Variants in ANK2 observed in about 807,000 individuals in gnomAD.
ANK2 encodes the protein ankyrin 2.
Under a neutral mutation model 360.5 loss-of-function variants are expected in ANK2, and 83 were observed. The observed-to-expected ratio is 0.23, with a 90% confidence interval of 0.19 to 0.28. ANK2 has a LOEUF of 0.28. ANK2 is among the 10% of genes least tolerant of loss of function. The pLI is 1.00. For missense variants in ANK2, 4,201 were observed against 4,795.7 expected (o/e 0.88, Z 3.66); for synonymous variants, 1,740 against 1,759.5 (o/e 0.99, Z 0.28).
chr4:112,766,337 G>T, the ANK2 span, among the ~76,000 whole-genome samples: 2 of 151,476 alleles, frequency 1.3e-5, no homozygotes, highest in Non-Finnish European at 2.9e-5. Context: ...AAAAAAATTT[G>T]TTGCATAAAT....
chr4:113,381,330 A>G (rs1199105347), intron 45 of ANK2, 127 bp from the exon 46 acceptor site: 1 of 979,612 alleles, frequency 1.0e-6, no homozygotes, highest in Non-Finnish European at 1.6e-6. Context: ...TTGTTATGCT[A>G]ATAGTTTGCT....
rs191144279 is a variant in ANK2 at position 113,151,788 on chromosome 4, G to A, written c.85-22628G>A. The stretch of plus-strand genomic sequence containing the variant: ...TAAAGAAATTTGGTGAAGGTAGGCT[G>A]GGCACCATGGCTCACACCTGTAATC... On this transcript the variant is annotated intron_variant, in intron 1 of 45. Coordinates refer to ENST00000357077, the MANE Select transcript of ANK2 (RefSeq NM_001148.6). Among the ~76,000 whole-genome samples the A allele has an allele frequency of 9.2e-4, 140 of 151,928 alleles. 1 individual carries two copies. The highest frequency in any genetic ancestry group is 8.8e-4 in the Non-Finnish European group (60 of 67,970).
intron 1 of ANK2, among the ~76,000 whole-genome samples, chr4:112,850,206 C>T (rs2064337196): frequency 6.6e-6 from 1 of 151,678 alleles, no homozygotes; most frequent in South Asian, 2.1e-4. Flanking sequence ...GGTGGGACTT[C>T]TCGAACTCTA....
At chr4:112,873,072 CTT>C (rs891987352) in intron 1 of ANK2, among the ~76,000 whole-genome samples, 3 of 151,912 alleles carry the variant, frequency 2.0e-5, no homozygotes, top group African/African-American at 7.3e-5. Context: ...AATATTTAGT[CTT>C]TCATTTCCAA....
chr4:112,959,951 A>G (rs568683412), intron 2 of ANK2, among the ~76,000 whole-genome samples: 27 of 152,316 alleles, frequency 1.8e-4, no homozygotes, highest in Non-Finnish European at 2.9e-4. Flanking sequence ...GCCTAATTGA[A>G]TGTTAAGCAG....
intron 1 of ANK2, among the ~76,000 whole-genome samples, chr4:112,855,691 G>A (rs949557649): frequency 6.6e-6 from 1 of 152,146 alleles, no homozygotes; most frequent in African/African-American, 2.4e-5. Flanking sequence ...CAAAAGTAGA[G>A]GTGCAGGAAG....
chr4:112,757,467 A>G, the ANK2 span, among the ~76,000 whole-genome samples: 1 of 152,234 alleles, frequency 6.6e-6, no homozygotes, highest in Non-Finnish European at 1.5e-5. Context: ...ACAAAAGTCT[A>G]CATTGATGAA....
intron 1 of ANK2, chr4:112,880,634 T>C (rs1226881045): frequency 6.6e-6 from 1 of 152,222 alleles, no homozygotes; most frequent in African/African-American, 2.4e-5. Flanking sequence ...TAGTCTTTGA[T>C]TGAGGTAGAG....
chr4:113,339,114 G>A (rs2093949404), intron 31 of ANK2, 112 bp from the exon 32 acceptor site: 3 of 841,518 alleles, frequency 3.6e-6, no homozygotes, highest in Non-Finnish European at 6.0e-6. Context: ...TTTTCAATGT[G>A]CCATTTTGAG....
At chr4:112,865,790 C>G (rs2070293170) in intron 1 of ANK2, among the ~76,000 whole-genome samples, 1 of 152,208 alleles carries the variant, frequency 6.6e-6, no homozygotes, top group South Asian at 2.1e-4. Context: ...GGATAAATTT[C>G]ATACATTTCT....
the ANK2 span, among the ~76,000 whole-genome samples, chr4:112,804,178 C>G: frequency 6.6e-6 from 1 of 152,134 alleles, no homozygotes; most frequent in Admixed American, 6.5e-5. Flanking sequence ...GCCACCATGC[C>G]TGGCTAATTT....
intron 1 of ANK2, among the ~76,000 whole-genome samples, chr4:113,110,793 T>C (rs1056992120): frequency 3.3e-5 from 5 of 152,118 alleles, no homozygotes; most frequent in African/African-American, 1.2e-4. Context: ...AGCCATAGAA[T>C]TGGTTGTTGG....
In ANK2 at chr4:113,370,720, A is replaced by T. The variant is rs1370640568; in HGVS notation, c.11610+915A>T. ...GCTTGCAGTGAGCCAAGATCATACC[A>T]CTGCACTCCAGCCTGGGCGACAGAG... On this transcript the variant is annotated intron_variant, in intron 43 of 45. Transcript: ENST00000357077. 2.6e-5 allele frequency among the ~76,000 whole-genome samples: 4 copies of T among 152,202 alleles called. No individual in the cohort carries two copies. In the East Asian group the frequency reaches 7.7e-4, roughly 29 times the overall value.
intron 2 of ANK2, among the ~76,000 whole-genome samples, chr4:112,970,067 G>T (rs560270563): frequency 2.8e-4 from 42 of 149,926 alleles, no homozygotes; most frequent in Admixed American, 8.0e-4. Context: ...CACTGCAACC[G>T]CCGCCTCCCA....
chr4:112,975,795 T>C (rs984221758), intron 2 of ANK2, among the ~76,000 whole-genome samples: 6 of 152,178 alleles, frequency 3.9e-5, no homozygotes, highest in African/African-American at 1.4e-4. Flanking sequence ...ATCAGATATA[T>C]CATTTAAAAT....
chr4:112,963,140 G>C (rs17045162), intron 2 of ANK2, among the ~76,000 whole-genome samples: 13,086 of 152,096 alleles, frequency 0.086, 902 homozygotes, highest in African/African-American at 0.19. Flanking sequence ...CCTTCTAAGT[G>C]ATTTCAAGCT....
intron 2 of ANK2, among the ~76,000 whole-genome samples, chr4:112,969,368 G>T (rs575367274): frequency 6.6e-6 from 1 of 152,160 alleles, no homozygotes; most frequent in Admixed American, 6.5e-5. Flanking sequence ...ATGTAGGTTG[G>T]CCTAGTCCGC....
chr4:113,242,268 A>G, intron 9 of ANK2, 59 bp downstream of exon 9: 2 of 1,439,060 alleles, frequency 1.4e-6, no homozygotes, highest in Non-Finnish European at 2.0e-6. Context: ...GCCTCATAGA[A>G]GGCACCTCAA....
In ANK2 at chr4:112,969,377, G is replaced by A. The variant is rs539759876; in HGVS notation, c.21+64863G>A. 3.3e-5 allele frequency among the ~76,000 whole-genome samples: 5 copies of A among 152,286 alleles called. No individual in the cohort carries two copies. In the South Asian group the frequency reaches 8.3e-4, roughly 25 times the overall value. On this transcript the variant is annotated intron_variant, in intron 2 of 30. Coordinates refer to the ANK2 transcript ENST00000503271. ...GCATTCATGTAGGTTGGCCTAGTCC[G>A]CAATTTTCCCTTACTTCCAAATTTC...
Sources: gnomAD v4.1 joint callset for allele counts (sites outside exome capture counted in the v4.1 genomes callset) on GRCh38, gnomAD v4.1.1 for gene constraint, MANE v1.5 for transcripts, NCBI Gene and HGNC (gene_info 2026-07-23, HGNC 2026-07-21) for gene names.